Variants in LRIG1 observed in about 807,000 individuals in gnomAD.
LRIG1 encodes leucine-rich repeats and immunoglobulin-like domains protein 1.
Under a neutral mutation model 99.2 loss-of-function variants are expected in LRIG1, and 48 were observed. That is an observed-to-expected ratio of 0.48 (90% CI 0.38 to 0.62). The LOEUF is 0.62. Among genes scored for constraint, LRIG1 ranks in the 20% least tolerant of loss-of-function variants. LRIG1 has a pLI of 0.00. For missense variants in LRIG1, 1,646 were observed against 1,434.4 expected (o/e 1.15, Z -2.38); for synonymous variants, 772 against 596.1 (o/e 1.29, Z -4.30).
At chr3:66,404,245 C>T in intron 9 of LRIG1, 1 of 1,289,292 alleles carries the variant, frequency 7.8e-7, no homozygotes, top group Non-Finnish European at 1.0e-6. Context: ...CACAGGCTCT[C>T]CTCTATCATC....
Position 66,382,816 on chromosome 3 carries a change from TTTAAGG to T in LRIG1, c.2491+160_2491+165del, listed in dbSNP as rs576318113. Among the ~76,000 whole-genome samples, 181 of 152,348 alleles carry T rather than the reference TTTAAGG, an allele frequency of 1.2e-3. 1 individual carries two copies. The highest frequency in any genetic ancestry group is 4.2e-3 in the African/African-American group (173 of 41,582). ...AAGGTTAAATTTGAGAGTATTCCTG[TTTAAGG>T]TTAAGTTCCTCAAAGTTAAAATGGA... On this transcript the variant is annotated intron_variant, in intron 15 of 18. Coordinates refer to ENST00000273261, the MANE Select transcript of LRIG1 (RefSeq NM_015541.3).
At chr3:66,391,229 A>G (rs1435445723) in intron 12 of LRIG1, among the ~76,000 whole-genome samples, 1 of 152,218 alleles carries the variant, frequency 6.6e-6, no homozygotes, top group Non-Finnish European at 1.5e-5. Flanking sequence ...TAAAATCATG[A>G]AGCCACTCTG....
At chr3:66,487,362 T>C (rs1162739544) in intron 1 of LRIG1, among the ~76,000 whole-genome samples, 1 of 152,084 alleles carries the variant, frequency 6.6e-6, no homozygotes, top group African/African-American at 2.4e-5. Flanking sequence ...CTAAAAACAC[T>C]CCTATGAAGT....
At chr3:66,401,814 C>T (rs538640742) in intron 9 of LRIG1, 24 of 508,724 alleles carry the variant, frequency 4.7e-5, no homozygotes, top group Non-Finnish European at 6.8e-5. Flanking sequence ...AAGCGACCTG[C>T]GGGAGTCACC....
At chr3:66,402,184 A>C (rs889188230) in intron 9 of LRIG1, among the ~76,000 whole-genome samples, 6 of 152,132 alleles carry the variant, frequency 3.9e-5, no homozygotes, top group Non-Finnish European at 7.3e-5. Context: ...TACCCAGGTC[A>C]CTAACTGCTC....
At chr3:66,410,408 T>A (rs1702427359) in intron 6 of LRIG1, 136 bp from the exon 7 acceptor site, 3 of 786,000 alleles carry the variant, frequency 3.8e-6, no homozygotes, top group Non-Finnish European at 6.1e-6. Flanking sequence ...AACTGTGGAG[T>A]CTAGTCGCAC....
At position 66,440,160 on chromosome 3, in the gene LRIG1, C is replaced by A. The variant is rs140963019; in HGVS notation, c.365+11399G>T. Among the ~76,000 whole-genome samples, 6 of 152,224 alleles carry A rather than the reference C, an allele frequency of 3.9e-5. No homozygotes were observed. The East Asian group carries it at 9.7e-4, about 25-fold the overall frequency. ...TGGCTTATTAAAGCTTTTGGCTGCA[C>A]ACTGAAATGACCTGGAGAGCTTTTT... is the stretch of plus-strand genomic sequence containing the variant. On this transcript the variant is annotated intron_variant, in intron 3 of 18. Transcript: ENST00000273261.
In LRIG1 at chr3:66,380,131, A is replaced by T; in HGVS notation, c.*132T>A. On this transcript the variant is annotated 3_prime_UTR_variant, in exon 19 of 19. Coordinates refer to ENST00000273261, the MANE Select transcript of LRIG1 (RefSeq NM_015541.3). The stretch of plus-strand genomic sequence containing the variant: ...CTGTGCTTCAGATCCAAGTCCTGTG[A>T]GCGACTGATACTCCACATGGGAGTT... The T allele has an allele frequency of 1.4e-6, 1 of 694,542 alleles. No homozygotes were observed. The highest frequency in any genetic ancestry group is 3.1e-4 in the Middle Eastern group (1 of 3,220). The allele number at this position is 694,542 out of a possible 1,614,324, so 43.0% of individuals were successfully genotyped here.
chr3:66,397,668 C>T (rs910274003), intron 11 of LRIG1, among the ~76,000 whole-genome samples: 3 of 152,210 alleles, frequency 2.0e-5, no homozygotes, highest in African/African-American at 7.2e-5. Flanking sequence ...AGCATCCCAT[C>T]CCCTCCAGAG....
At chr3:66,460,108 G>T (rs1390472997) in intron 2 of LRIG1, among the ~76,000 whole-genome samples, 1 of 151,942 alleles carries the variant, frequency 6.6e-6, no homozygotes. Flanking sequence ...CCCCTCCCCA[G>T]TCCCAGCCCT....
At chr3:66,417,936 A>C (rs910922745) in intron 3 of LRIG1, among the ~76,000 whole-genome samples, 2 of 152,162 alleles carry the variant, frequency 1.3e-5, no homozygotes, top group Non-Finnish European at 2.9e-5. Flanking sequence ...CGGTTTTCTC[A>C]TTTGGAAGAT....
intron 5 of LRIG1, 92 bp downstream of exon 5, chr3:66,414,828 G>GA (rs1702573704): frequency 7.9e-7 from 1 of 1,263,170 alleles, no homozygotes; most frequent in Non-Finnish European, 1.1e-6. Flanking sequence ...ATGGAGCAAG[G>GA]AAAGGGTGGC....
chr3:66,489,299 G>A (rs1701046330), intron 1 of LRIG1, among the ~76,000 whole-genome samples: 1 of 152,168 alleles, frequency 6.6e-6, no homozygotes, highest in African/African-American at 2.4e-5. Context: ...CAAGGCAGGA[G>A]GATCACTTGA....
At chr3:66,468,068 T>C (rs562747462) in intron 1 of LRIG1, among the ~76,000 whole-genome samples, 2 of 152,326 alleles carry the variant, frequency 1.3e-5, no homozygotes, top group Admixed American at 6.5e-5. Context: ...TATAATTCTA[T>C]AGGCTTAAAC....
intron 1 of LRIG1, among the ~76,000 whole-genome samples, chr3:66,486,817 C>A (rs952558083): frequency 1.3e-5 from 2 of 152,120 alleles, no homozygotes; most frequent in Non-Finnish European, 2.9e-5. Flanking sequence ...TGTAACTTTA[C>A]GCTTTTGTGT....
Position 66,378,821 on chromosome 3 carries a change from T to TAAAG in LRIG1, c.*1438_*1441dup, listed in dbSNP as rs570754638. The TAAAG allele has an allele frequency of 8.5e-5, 13 of 152,756 alleles. No homozygotes were observed. The South Asian group carries it at 2.7e-3, about 32-fold the overall frequency. 9.5% of individuals were successfully genotyped at this position (152,756 alleles called of 1,614,324 possible). A position where few individuals can be genotyped will look rare whatever the true frequency, so the allele number is the denominator to read the frequency against. Reference sequence around the variant, plus strand: ...CTGACATTTATAAATGAACCTTTATTAAAGACACTTCAATGCCATTTGTTA... The same window carrying TAAAG: ...CTGACATTTATAAATGAACCTTTATTAAAGAAAGACACTTCAATGCCATTTGTTA... On this transcript the variant is annotated 3_prime_UTR_variant, in exon 19 of 19. Coordinates refer to ENST00000273261, the MANE Select transcript of LRIG1 (RefSeq NM_015541.3).
rs1342733196 is a variant in LRIG1 at position 66,384,146 on chromosome 3, T to A, written c.1916A>T (p.Asp639Val). 73 of 1,614,090 alleles carry A rather than the reference T, an allele frequency of 4.5e-5. No individual in the cohort carries two copies. Among genetic ancestry groups the A allele is most frequent in the Non-Finnish European group, 6.2e-5 (73 of 1,180,016 alleles). The change falls in exon 14 of 19, where the codon GAT becomes GTT. Residue 639 changes from aspartate (D) to valine (V), a missense_variant. Physicochemically the swap from Asp to Val is radical, Grantham distance 152. Transcript: ENST00000273261. ...GCGTCGCTCACGGGCAGCGGGGAAATCCGTGCCTCCATCCTTCTGCCAGGC... is the reference window on the plus strand; with the variant it reads ...GCGTCGCTCACGGGCAGCGGGGAAAACCGTGCCTCCATCCTTCTGCCAGGC... ...QIAWQKDGGT[D>V]FPAARERRMH...
At position 66,379,284 on chromosome 3, in the gene LRIG1, C is replaced by T. The variant is rs534146465; in HGVS notation, c.*979G>A. 5 of 152,714 alleles carry T rather than the reference C, an allele frequency of 3.3e-5. No homozygotes were observed. In the East Asian group the frequency reaches 7.7e-4, roughly 24 times the overall value. 9.5% of individuals were successfully genotyped at this position (152,714 alleles called of 1,614,324 possible). A position where few individuals can be genotyped will look rare whatever the true frequency, so the allele number is the denominator to read the frequency against. On this transcript the variant is annotated 3_prime_UTR_variant, in exon 19 of 19. Transcript: ENST00000273261. The stretch of plus-strand genomic sequence containing the variant: ...CGAAGGAATGGCATGGACAGGCCTG[C>T]TCTGGGTCCTTAGTAGAAATAAGGT...
intron 3 of LRIG1, among the ~76,000 whole-genome samples, chr3:66,437,453 C>A (rs527387552): frequency 6.6e-6 from 1 of 152,330 alleles, no homozygotes; most frequent in African/African-American, 2.4e-5. Context: ...TCCCTTGACA[C>A]CCTGCCTGCC....
Sources: gnomAD v4.1 joint callset for allele counts (sites outside exome capture counted in the v4.1 genomes callset) on GRCh38, gnomAD v4.1.1 for gene constraint, MANE v1.5 for transcripts, NCBI Gene and HGNC (gene_info 2026-07-23, HGNC 2026-07-21) for gene names.